The following DNAJC3 variants were observed in gnomAD, a reference collection of about 807,000 sequenced individuals.
The protein encoded by DNAJC3 is dnaJ homolog subfamily C member 3.
In DNAJC3, 38 loss-of-function variants were observed where a neutral mutation model predicts 68.6. That is an observed-to-expected ratio of 0.55 (90% CI 0.43 to 0.73). DNAJC3 has a LOEUF of 0.73. Among genes scored for constraint, DNAJC3 ranks in the 30% least tolerant of loss-of-function variants. The pLI, the probability that DNAJC3 is intolerant of heterozygous loss-of-function variation, is 0.00. For synonymous variants in DNAJC3, 203 were observed against 204.0 expected (o/e 1.00, Z 0.04); for missense variants, 526 against 591.9 (o/e 0.89, Z 1.16).
chr13:95,752,670 A>C (rs1882517391), intron 4 of DNAJC3, among the ~76,000 whole-genome samples: 2 of 152,210 alleles, frequency 1.3e-5, no homozygotes, highest in Non-Finnish European at 2.9e-5. Context: ...CTGTTATAAT[A>C]AAATGCATTG....
chr13:95,755,716 C>T lies in DNAJC3; in HGVS notation c.394-1928C>T, dbSNP rs917202365. ...AGGTTGCAGTGACCTGAGATTGCAC[C>T]ACTGCACTCCAGCCTAGGTGACAGA... On this transcript the variant is annotated intron_variant, in intron 4 of 11. Coordinates refer to ENST00000602402, the MANE Select transcript of DNAJC3 (RefSeq NM_006260.5). 1.6e-4 allele frequency among the ~76,000 whole-genome samples: 22 copies of T among 135,272 alleles called. No homozygotes were observed. The Admixed American group carries it at 1.8e-3, about 11-fold the overall frequency. 88.7% of individuals were successfully genotyped at this position (135,272 alleles called of 152,430 possible).
At chr13:95,715,892 C>T (rs1208072298) in intron 2 of DNAJC3, among the ~76,000 whole-genome samples, 1 of 151,468 alleles carries the variant, frequency 6.6e-6, no homozygotes, top group Non-Finnish European at 1.5e-5. Flanking sequence ...CGTGGTGGCT[C>T]ATGCCTGTAA....
intron 1 of DNAJC3, among the ~76,000 whole-genome samples, chr13:95,705,976 C>G (rs1313561558): frequency 6.6e-6 from 1 of 152,194 alleles, no homozygotes; most frequent in Non-Finnish European, 1.5e-5. Flanking sequence ...TTGGATCCCT[C>G]TCTCTTATTA....
intron 11 of DNAJC3, among the ~76,000 whole-genome samples, chr13:95,787,917 G>A (rs1433341677): frequency 6.6e-6 from 1 of 151,708 alleles, no homozygotes; most frequent in Non-Finnish European, 1.5e-5. Context: ...AGAATTTCAT[G>A]TTAAGCTTAT....
rs1046719274 is a variant in DNAJC3 at position 95,738,340 on chromosome 13, C to T, written c.393+13088C>T. Among the ~76,000 whole-genome samples the T allele has an allele frequency of 1.3e-4, 19 of 148,920 alleles. No homozygotes were observed. In the East Asian group the frequency reaches 1.6e-3, roughly 13 times the overall value. On this transcript the variant is annotated intron_variant, in intron 4 of 11. Coordinates refer to ENST00000602402, the MANE Select transcript of DNAJC3 (RefSeq NM_006260.5). ...GAGTTCTGTAGATGTCTATTAGGTC[C>T]GCTTGGTGCAGAGCTGAGTTCAATT... is the stretch of plus-strand genomic sequence containing the variant.
At position 95,791,894 on chromosome 13, in the gene DNAJC3, C is replaced by A. The variant is rs1440012493; in HGVS notation, c.*864C>A. ...AGTTTTTATAGGGAATTTCATGTAA[C>A]AAGACTGGTTTAGAAACGTAAAGTT... On this transcript the variant is annotated 3_prime_UTR_variant, in exon 12 of 12. Coordinates refer to ENST00000602402, the MANE Select transcript of DNAJC3 (RefSeq NM_006260.5). The A allele has an allele frequency of 6.6e-6, 1 of 152,178 alleles. No homozygotes were observed. Among genetic ancestry groups the A allele is most frequent in the African/African-American group, 2.4e-5 (1 of 41,438 alleles). 9.4% of individuals were successfully genotyped at this position (152,178 alleles called of 1,614,324 possible). A position where few individuals can be genotyped will look rare whatever the true frequency, so the allele number is the denominator to read the frequency against.
intron 4 of DNAJC3, among the ~76,000 whole-genome samples, chr13:95,752,943 T>C (rs956621122): frequency 1.3e-5 from 2 of 152,238 alleles, no homozygotes; most frequent in Non-Finnish European, 2.9e-5. Flanking sequence ...GTTCTAGGTA[T>C]GCCACTTCTT....
At chr13:95,767,691 G>GTTT (rs796243780) in intron 9 of DNAJC3, among the ~76,000 whole-genome samples, 1 of 135,792 alleles carries the variant, frequency 7.4e-6, no homozygotes, top group African/African-American at 2.7e-5. Context: ...AGTTTTTTGG[G>GTTT]TTTTTTTTTT....
intron 7 of DNAJC3, among the ~76,000 whole-genome samples, chr13:95,762,496 T>C (rs1275927884): frequency 6.6e-6 from 1 of 152,178 alleles, no homozygotes; most frequent in African/African-American, 2.4e-5. Flanking sequence ...TTTTCCTCCT[T>C]TGAAAGTTTT....
chr13:95,683,977 T>A (rs531099736), intron 1 of DNAJC3, among the ~76,000 whole-genome samples: 69 of 151,562 alleles, frequency 4.6e-4, no homozygotes, highest in Non-Finnish European at 8.1e-4. Context: ...TATTTCTTTA[T>A]AGCAATGTGA....
intron 4 of DNAJC3, among the ~76,000 whole-genome samples, chr13:95,752,973 A>G (rs1385647019): frequency 2.6e-5 from 4 of 152,180 alleles, no homozygotes; most frequent in African/African-American, 9.7e-5. Flanking sequence ...ATGTGAACAG[A>G]TAGTGTGAAT....
At chr13:95,732,811 T>C (rs979726905) in intron 4 of DNAJC3, among the ~76,000 whole-genome samples, 2 of 152,104 alleles carry the variant, frequency 1.3e-5, no homozygotes, top group Admixed American at 6.5e-5. Context: ...TGCTACAAAG[T>C]TTCCTCTTAG....
At chr13:95,714,819 A>G (rs1463791016) in intron 2 of DNAJC3, among the ~76,000 whole-genome samples, 1 of 152,236 alleles carries the variant, frequency 6.6e-6, no homozygotes, top group Non-Finnish European at 1.5e-5. Context: ...TATACCTTCT[A>G]CCTATTTTAT....
At chr13:95,712,704 C>T (rs1033019987) in intron 2 of DNAJC3, among the ~76,000 whole-genome samples, 1 of 152,242 alleles carries the variant, frequency 6.6e-6, no homozygotes, top group Non-Finnish European at 1.5e-5. Context: ...AATTTTCTGT[C>T]TTGCAACCTT....
At chr13:95,741,174 A>G (rs1177586776) in intron 4 of DNAJC3, among the ~76,000 whole-genome samples, 1 of 152,160 alleles carries the variant, frequency 6.6e-6, no homozygotes, top group Non-Finnish European at 1.5e-5. Flanking sequence ...TCTGTTAATA[A>G]TGTAACTGTC....
chr13:95,726,996 C>T (rs1422469100), intron 4 of DNAJC3, among the ~76,000 whole-genome samples: 2 of 152,138 alleles, frequency 1.3e-5, no homozygotes, highest in Non-Finnish European at 2.9e-5. Flanking sequence ...TTATCTATCT[C>T]CCCTCCTACT....
chr13:95,725,322 T>G (rs1292469630), intron 4 of DNAJC3, 70 bp downstream of exon 4: 2 of 1,158,742 alleles, frequency 1.7e-6, no homozygotes, highest in African/African-American at 3.2e-5. Context: ...TTTTTTATAT[T>G]ATGACAGTTA....
intron 4 of DNAJC3, among the ~76,000 whole-genome samples, chr13:95,731,573 T>G (rs1052838664): frequency 5.3e-5 from 8 of 152,242 alleles, no homozygotes; most frequent in African/African-American, 1.9e-4. Flanking sequence ...TTTTTGCCCT[T>G]TGTTTGTCCA....
At chr13:95,721,749 C>G (rs957128234) in intron 2 of DNAJC3, among the ~76,000 whole-genome samples, 1 of 151,716 alleles carries the variant, frequency 6.6e-6, no homozygotes, top group East Asian at 1.9e-4. Context: ...TGATGGTGAG[C>G]ATCTTTTCAT....
Sources: allele counts gnomAD v4.1 joint callset (sites outside exome capture counted in the v4.1 genomes callset), GRCh38; gene constraint gnomAD v4.1.1; transcripts MANE v1.5; gene names NCBI Gene and HGNC (gene_info 2026-07-23, HGNC 2026-07-21).